DPP10: variants seen among roughly 807,000 people sequenced by gnomAD.
DPP10 encodes inactive dipeptidyl peptidase 10.
Under a neutral mutation model 120.9 loss-of-function variants are expected in DPP10, and 33 were observed. That is an observed-to-expected ratio of 0.27 (90% CI 0.21 to 0.37). DPP10 has a LOEUF of 0.37. Among genes scored for constraint, DPP10 ranks in the 10% least tolerant of loss-of-function variants. DPP10 has a pLI of 1.00. For synonymous variants in DPP10, 337 were observed against 326.1 expected (o/e 1.03, Z -0.36); for missense variants, 816 against 942.8 (o/e 0.87, Z 1.76).
At chr2:115,743,451 A>T (rs1407841465) in intron 9 of DPP10, among the ~76,000 whole-genome samples, 1 of 152,314 alleles carries the variant, frequency 6.6e-6, no homozygotes, top group South Asian at 2.1e-4. Context: ...AGTATGCCAT[A>T]AAACTGTGCA....
chr2:114,587,876 A>T (rs1691134888), intron 1 of DPP10, among the ~76,000 whole-genome samples: 1 of 152,230 alleles, frequency 6.6e-6, no homozygotes, highest in Non-Finnish European at 1.5e-5. Context: ...AATATTTGTG[A>T]GGACCAGTGT....
intron 3 of DPP10, among the ~76,000 whole-genome samples, chr2:115,351,091 T>C (rs561061809): frequency 1.3e-5 from 2 of 152,200 alleles, no homozygotes; most frequent in East Asian, 3.9e-4. Flanking sequence ...TGCAGCACTA[T>C]TCATAATAGC....
intron 1 of DPP10, among the ~76,000 whole-genome samples, chr2:114,667,260 C>T (rs569727039): frequency 1.1e-4 from 17 of 152,254 alleles, no homozygotes; most frequent in African/African-American, 3.9e-4. Context: ...AGCTAATTTT[C>T]ATTTCATTAT....
intron 1 of DPP10, among the ~76,000 whole-genome samples, chr2:114,913,418 G>C (rs114088438): frequency 0.026 from 4,027 of 152,102 alleles, 180 homozygotes; most frequent in African/African-American, 0.093. Context: ...AACCTCGAGG[G>C]GCCAGAGAAA....
At chr2:115,690,591 T>G (rs1273799656) in intron 7 of DPP10, among the ~76,000 whole-genome samples, 1 of 152,114 alleles carries the variant, frequency 6.6e-6, no homozygotes, top group Non-Finnish European at 1.5e-5. Flanking sequence ...TTTTATATTT[T>G]TAGTAGAGAC....
intron 5 of DPP10, among the ~76,000 whole-genome samples, chr2:115,556,382 T>TC (rs1553447856): frequency 1.9e-4 from 29 of 150,418 alleles, no homozygotes; most frequent in African/African-American, 3.2e-4. Context: ...TTTTTTTTTT[T>TC]CTCATCAGCT....
intron 3 of DPP10, among the ~76,000 whole-genome samples, chr2:115,454,905 T>C (rs2073400236): frequency 6.6e-6 from 1 of 151,614 alleles, no homozygotes; most frequent in Non-Finnish European, 1.5e-5. Flanking sequence ...TATAATTGTA[T>C]TTCTGTGTAC....
intron 1 of DPP10, among the ~76,000 whole-genome samples, chr2:114,974,883 TATA>T (rs1397183371): frequency 6.6e-6 from 1 of 151,892 alleles, no homozygotes; most frequent in Non-Finnish European, 1.5e-5. Context: ...AATATACATA[TATA>T]ATAATATATA....
chr2:115,659,992 T>A (rs1484097100), intron 5 of DPP10, among the ~76,000 whole-genome samples: 2 of 152,144 alleles, frequency 1.3e-5, no homozygotes, highest in African/African-American at 4.8e-5. Context: ...AGGAAATAAA[T>A]CCATGGCATA....
intron 1 of DPP10, among the ~76,000 whole-genome samples, chr2:114,491,946 A>C (rs1163194157): frequency 6.6e-6 from 1 of 152,180 alleles, no homozygotes; most frequent in East Asian, 1.9e-4. Flanking sequence ...CAAACCTCAA[A>C]AAATGGACTA....
intron 1 of DPP10, among the ~76,000 whole-genome samples, chr2:114,829,690 T>A (rs546019827): frequency 6.6e-6 from 1 of 152,152 alleles, no homozygotes; most frequent in African/African-American, 2.4e-5. Context: ...CGTTTTTTTT[T>A]AAGAGAAGGA....
chr2:114,688,215 G>A (rs973121479), intron 1 of DPP10, among the ~76,000 whole-genome samples: 2 of 151,794 alleles, frequency 1.3e-5, no homozygotes, highest in African/African-American at 4.8e-5. Flanking sequence ...GAAGAGGGTG[G>A]GGCTAGCCTG....
chr2:115,179,409 TAATG>T (rs2053926714), intron 1 of DPP10, among the ~76,000 whole-genome samples: 1 of 152,178 alleles, frequency 6.6e-6, no homozygotes, highest in Non-Finnish European at 1.5e-5. Flanking sequence ...CAATACATGA[TAATG>T]AATACGTGGT....
intron 1 of DPP10, among the ~76,000 whole-genome samples, chr2:114,775,263 T>G (rs1405245021): frequency 1.3e-5 from 2 of 152,160 alleles, no homozygotes; most frequent in African/African-American, 2.4e-5. Flanking sequence ...AAAGATTTAG[T>G]AGTAAGTACA....
At position 114,820,069 on chromosome 2, in the gene DPP10, G is replaced by A. The variant is rs959509026; in HGVS notation, c.60+377231G>A. ...TGTTCTGAGCCTGTTCTTTTTAACA[G>A]CTCTATTATCCTGTGGAAAAGAGGA... is the stretch of plus-strand genomic sequence containing the variant. On this transcript the variant is annotated intron_variant, in intron 1 of 25. Transcript: ENST00000410059. Among the ~76,000 whole-genome samples, 3 of 152,254 alleles carry A rather than the reference G, an allele frequency of 2.0e-5. No homozygotes were observed. The South Asian group carries it at 6.2e-4, about 32-fold the overall frequency.
chr2:115,437,157 G>T lies in DPP10; in HGVS notation c.272-62353G>T, dbSNP rs185819200. ...GCCTCTTACATGATTTCATGGAAAA[G>T]ATGTTTGAATTAATTCAAAATAATG... On this transcript the variant is annotated intron_variant, in intron 3 of 25. Coordinates refer to ENST00000410059, the MANE Select transcript of DPP10 (RefSeq NM_020868.6). Among the ~76,000 whole-genome samples the T allele has an allele frequency of 2.9e-3, 438 of 152,078 alleles. 5 individuals carry two copies. The highest frequency in any genetic ancestry group is 3.6e-3 in the Non-Finnish European group (246 of 67,900).
chr2:115,058,572 G>C (rs1706132424), intron 1 of DPP10, among the ~76,000 whole-genome samples: 1 of 152,148 alleles, frequency 6.6e-6, no homozygotes, highest in African/African-American at 2.4e-5. Flanking sequence ...GCTAATTTTT[G>C]TATTTTGAGT....
intron 5 of DPP10, among the ~76,000 whole-genome samples, chr2:115,614,019 T>C (rs2084305459): frequency 6.6e-6 from 1 of 152,134 alleles, no homozygotes; most frequent in Non-Finnish European, 1.5e-5. Context: ...AATAATTCTG[T>C]AGACTGCTGA....
At chr2:114,482,739 C>T (rs1681170313) in intron 1 of DPP10, among the ~76,000 whole-genome samples, 1 of 152,248 alleles carries the variant, frequency 6.6e-6, no homozygotes, top group African/African-American at 2.4e-5. Flanking sequence ...GACTCTTCAG[C>T]TTTATTTTGT....
Sources: gnomAD v4.1 joint callset for allele counts (sites outside exome capture counted in the v4.1 genomes callset) on GRCh38, gnomAD v4.1.1 for gene constraint, MANE v1.5 for transcripts, NCBI Gene and HGNC (gene_info 2026-07-23, HGNC 2026-07-21) for gene names.